The following DCC variants were observed in gnomAD, a reference collection of about 807,000 sequenced individuals.
The protein encoded by DCC is DCC netrin 1 receptor.
DCC carries 58 observed loss-of-function variants against 172.5 expected under a neutral mutation model. That is an observed-to-expected ratio of 0.34 (90% CI 0.27 to 0.42). DCC has a LOEUF of 0.42. Among genes scored for constraint, DCC ranks in the 10% least tolerant of loss-of-function variants. The pLI is 1.00. For synonymous variants in DCC, 709 were observed against 644.5 expected, an observed-to-expected ratio of 1.10 and a Z score of -1.52; for missense variants, 1,740 against 1,791.0, an observed-to-expected ratio of 0.97 and a Z score of 0.51.
chr18:53,398,685 A>G (rs1001640738), intron 18 of DCC, among the ~76,000 whole-genome samples: 1 of 152,158 alleles, frequency 6.6e-6, no homozygotes, highest in African/African-American at 2.4e-5. Context: ...TCTCATAAAC[A>G]TAAAATGCAC....
chr18:53,395,934 C>A (rs531354201), intron 17 of DCC, among the ~76,000 whole-genome samples: 1 of 152,096 alleles, frequency 6.6e-6, no homozygotes, highest in Non-Finnish European at 1.5e-5. Flanking sequence ...TGAGCCACAG[C>A]GCCAACCTAC....
chr18:52,921,680 C>T (rs2040127099), intron 3 of DCC, among the ~76,000 whole-genome samples: 1 of 148,424 alleles, frequency 6.7e-6, no homozygotes, highest in Non-Finnish European at 1.5e-5. Context: ...GCCTGGGTGA[C>T]AGAGAGGCTC....
At chr18:52,911,730 A>AT (rs75361413) in intron 3 of DCC, among the ~76,000 whole-genome samples, 25,574 of 149,512 alleles carry the variant, frequency 0.17, 2,786 homozygotes, top group East Asian at 0.53. Flanking sequence ...CATATTTAAC[A>AT]TTTTTTTTTT....
intron 15 of DCC, among the ~76,000 whole-genome samples, chr18:53,365,447 A>G (rs202079919): frequency 5.9e-5 from 3 of 51,138 alleles, no homozygotes; most frequent in South Asian, 6.9e-4. Flanking sequence ...CATCCCACTG[A>G]AAAAAAAAAA....
At chr18:52,753,601 T>A (rs1383317666) in intron 2 of DCC, among the ~76,000 whole-genome samples, 1 of 152,196 alleles carries the variant, frequency 6.6e-6, no homozygotes, top group Non-Finnish European at 1.5e-5. Flanking sequence ...ACATGTCAAG[T>A]AAGAAATAAA....
intron 27 of DCC, among the ~76,000 whole-genome samples, chr18:53,507,959 T>G (rs975858084): frequency 2.0e-5 from 3 of 146,582 alleles, no homozygotes; most frequent in African/African-American, 7.9e-5. Flanking sequence ...AGTGGTGCAA[T>G]CTCTGCTCAC....
chr18:52,834,991 T>A (rs1012680407), intron 2 of DCC, among the ~76,000 whole-genome samples: 7 of 152,220 alleles, frequency 4.6e-5, no homozygotes, highest in Admixed American at 1.3e-4. Flanking sequence ...TTTCTTCTTT[T>A]GTAGGAATTC....
chr18:52,505,334 A>AATT (rs1391558339), intron 1 of DCC, among the ~76,000 whole-genome samples: 2 of 152,110 alleles, frequency 1.3e-5, no homozygotes, highest in African/African-American at 4.8e-5. Flanking sequence ...CTATTTCCAC[A>AATT]ATTTTGATCT....
At chr18:52,689,412 A>G (rs1056610588) in intron 1 of DCC, among the ~76,000 whole-genome samples, 2 of 152,122 alleles carry the variant, frequency 1.3e-5, no homozygotes, top group Non-Finnish European at 2.9e-5. Flanking sequence ...ATAAGAAATA[A>G]TGAGTAGAAA....
intron 13 of DCC, among the ~76,000 whole-genome samples, chr18:53,321,564 A>G (rs187661147): frequency 1.3e-5 from 2 of 152,288 alleles, no homozygotes; most frequent in Non-Finnish European, 2.9e-5. Context: ...TTCTTGAAAG[A>G]TGGTTTTAAG....
chr18:53,183,571 G>T (rs1006058006), intron 9 of DCC, among the ~76,000 whole-genome samples: 1 of 152,064 alleles, frequency 6.6e-6, no homozygotes, highest in African/African-American at 2.4e-5. Flanking sequence ...GCTTGAGTTA[G>T]AATGGGAAGC....
At chr18:53,193,511 A>G (rs2055396963) in intron 9 of DCC, among the ~76,000 whole-genome samples, 1 of 152,130 alleles carries the variant, frequency 6.6e-6, no homozygotes, top group Non-Finnish European at 1.5e-5. Flanking sequence ...GGAAATTTAA[A>G]CACAAAGACA....
chr18:52,397,513 T>TCC (rs894900772), intron 1 of DCC, among the ~76,000 whole-genome samples: 2 of 151,972 alleles, frequency 1.3e-5, no homozygotes, highest in Non-Finnish European at 2.9e-5. Flanking sequence ...ATTCCTAGGG[T>TCC]CCCATCAGCT....
intron 27 of DCC, among the ~76,000 whole-genome samples, chr18:53,519,660 A>G (rs1001736800): frequency 6.7e-6 from 1 of 150,190 alleles, no homozygotes; most frequent in African/African-American, 2.5e-5. Context: ...TTTCATTTTT[A>G]TTTTTCCTTT....
At chr18:53,206,510 G>GTATTATATATAATACATATCTATGTA (rs1555730459) in intron 10 of DCC, among the ~76,000 whole-genome samples, 12 of 65,666 alleles carry the variant, frequency 1.8e-4, no homozygotes, top group African/African-American at 6.0e-4. Context: ...ACATATCTAT[G>GTATTATATATAATACATATCTATGTA]TATATACATG....
At chr18:52,422,138 A>G (rs1162765617) in intron 1 of DCC, among the ~76,000 whole-genome samples, 1 of 152,200 alleles carries the variant, frequency 6.6e-6, no homozygotes, top group African/African-American at 2.4e-5. Flanking sequence ...GCTTAAAAGG[A>G]AGGGATTAAC....
At chr18:52,687,204 A>G (rs936934819) in intron 1 of DCC, among the ~76,000 whole-genome samples, 2 of 152,130 alleles carry the variant, frequency 1.3e-5, no homozygotes, top group Admixed American at 6.5e-5. Flanking sequence ...ATATGGATAC[A>G]TCTTGAATCA....
intron 1 of DCC, among the ~76,000 whole-genome samples, chr18:52,416,675 A>G (rs1195828888): frequency 6.6e-6 from 1 of 151,524 alleles, no homozygotes; most frequent in Non-Finnish European, 1.5e-5. Context: ...AGTCTGTTTT[A>G]TCAGAGACTA....
At chr18:53,407,414 CT>C (rs1275759319) in intron 19 of DCC, among the ~76,000 whole-genome samples, 1 of 149,494 alleles carries the variant, frequency 6.7e-6, no homozygotes, top group African/African-American at 2.4e-5. Flanking sequence ...TGTTTTTATC[CT>C]TTTGAAGAGG....
Sources: allele counts gnomAD v4.1 joint callset (sites outside exome capture counted in the v4.1 genomes callset), GRCh38; gene constraint gnomAD v4.1.1; transcripts MANE v1.5; gene names NCBI Gene and HGNC (gene_info 2026-07-23, HGNC 2026-07-21).